EXO5: variants seen among roughly 807,000 people sequenced by gnomAD.
EXO5 encodes the protein exonuclease V.
Under a neutral mutation model 17.8 loss-of-function variants are expected in EXO5, and 11 were observed. The ratio of observed to expected loss-of-function variants is 0.62; its 90% CI spans 0.39 to 1.02. EXO5 has a LOEUF of 1.02. EXO5 is among the 50% of genes least tolerant of loss of function. The pLI, the probability that EXO5 is intolerant of heterozygous loss-of-function variation, is 0.00. For missense variants in EXO5, 364 were observed against 434.8 expected (o/e 0.84, Z 1.45); for synonymous variants, 147 against 166.5 (o/e 0.88, Z 0.90).
At chr1:40,514,254 T>C (rs1645835544) in intron 3 of EXO5, among the ~76,000 whole-genome samples, 1 of 149,938 alleles carries the variant, frequency 6.7e-6, no homozygotes, top group Non-Finnish European at 1.5e-5. Flanking sequence ...CACTCCAGCC[T>C]GGGTGAAAGA....
rs1022862220 is a variant in EXO5, at chr1:40,515,860, C to T, written c.*194C>T. ...GAGTGGGAGAGATGGGTTATACTGT[C>T]CCTGGAGCTTCATCATGATTGCCTG... On this transcript the variant is annotated 3_prime_UTR_variant, in exon 4 of 4. Transcript: ENST00000415550. 1.7e-5 allele frequency: 9 copies of T among 523,406 alleles called. No individual in the cohort carries two copies. Among genetic ancestry groups the T allele is most frequent in the Admixed American group, 7.3e-5 (2 of 27,280 alleles). 32.4% of individuals were successfully genotyped at this position (523,406 alleles called of 1,614,324 possible). A position where few individuals can be genotyped will look rare whatever the true frequency, so the allele number is the denominator to read the frequency against.
intron 3 of EXO5, among the ~76,000 whole-genome samples, chr1:40,512,703 G>A (rs1383112927): frequency 6.6e-6 from 1 of 152,130 alleles, no homozygotes; most frequent in East Asian, 1.9e-4. Flanking sequence ...CTAGGTTCAA[G>A]CGATTTTCCT....
rs1194607455 is a variant in EXO5 at position 40,508,967 on chromosome 1, C to T, written c.-264+59C>T. 1 of 152,266 alleles carries T rather than the reference C, an allele frequency of 6.6e-6. No individual in the cohort carries two copies. The highest frequency in any genetic ancestry group is 1.5e-5 in the Non-Finnish European group (1 of 68,088). The allele number at this position is 152,266 out of a possible 1,614,324, so 9.4% of individuals were successfully genotyped here. A position where few individuals can be genotyped will look rare whatever the true frequency, so the allele number is the denominator to read the frequency against. On this transcript the variant is annotated intron_variant, in intron 1 of 3. Coordinates refer to ENST00000415550, the MANE Select transcript of EXO5 (RefSeq NM_001346953.2). This position sits in a 1 kb window ranked among gnomAD's most constrained non-coding sequence, Gnocchi z 4.2. ...TGCGTTTCGGAGCTTAGGGTTCTGTCCCTGCGATCGCCGCGTCTCCCTCCC... is the reference window on the plus strand; with the variant it reads ...TGCGTTTCGGAGCTTAGGGTTCTGTTCCTGCGATCGCCGCGTCTCCCTCCC...
chr1:40,513,042 C>T (rs546422968), intron 3 of EXO5, among the ~76,000 whole-genome samples: 56 of 152,222 alleles, frequency 3.7e-4, no homozygotes, highest in Middle Eastern at 3.4e-3. Flanking sequence ...AAAAAATAAC[C>T]GCACAATAAA....
intron 3 of EXO5, 146 bp from the exon 4 acceptor site, chr1:40,514,369 T>C: frequency 1.6e-6 from 1 of 613,046 alleles, no homozygotes; most frequent in Non-Finnish European, 2.8e-6. Flanking sequence ...ACTCAAGGCA[T>C]TACTAATTGG....
rs749742250 is a variant in EXO5 at position 40,515,410 on chromosome 1, T to C, written c.866T>C (p.Ile289Thr). Residue 289 changes from isoleucine to threonine, a missense_variant, in exon 4 of 4, where the codon ATC (isoleucine) becomes ACC (threonine). Ile to Thr is a moderately conservative substitution (Grantham distance 89, BLOSUM62 -1). Coordinates refer to ENST00000415550, the MANE Select transcript of EXO5 (RefSeq NM_001346953.2). ...CTGTCAGACCTCCCAGTTATTGATA[T>C]CTTGAAGATTGAGTATATCCACCAA... ...LTLSDLPVID[I>T]LKIEYIHQET... The C allele has an allele frequency of 6.2e-7, 1 of 1,613,928 alleles. No homozygotes were observed. The highest frequency in any genetic ancestry group is 1.1e-5 in the South Asian group (1 of 91,058).
rs1344607655 is a variant in EXO5, at chr1:40,515,477, A to G, written c.933A>G (p.Lys311=). ...TVLGTEIVAF[K]EKEVRAKVQH... is the part of the protein sequence containing the mutation. ...TGGGTACTGAGATTGTAGCCTTCAA[A>G]GAGAAGGAGGTGAGAGCCAAGGTGC... The change falls in exon 4 of 4, where the codon AAA becomes AAG. Residue 311 remains lysine, a synonymous_variant. Coordinates refer to ENST00000415550, the MANE Select transcript of EXO5 (RefSeq NM_001346953.2). The G allele has an allele frequency of 1.2e-6, 2 of 1,613,940 alleles. No individual in the cohort carries two copies. Among genetic ancestry groups the G allele is most frequent in the Non-Finnish European group, 1.7e-6 (2 of 1,179,970 alleles).
chr1:40,513,061 A>T (rs1645810276), intron 3 of EXO5, among the ~76,000 whole-genome samples: 1 of 152,202 alleles, frequency 6.6e-6, no homozygotes, highest in Non-Finnish European at 1.5e-5. Context: ...AATATTCTCT[A>T]TTATAGCAGT....
rs11208299 is a variant in EXO5, at chr1:40,515,059, G to T, written c.515G>T (p.Gly172Val). 637,507 of 1,613,684 alleles carry T rather than the reference G, an allele frequency of 0.4. 132,479 individuals carry two copies. Among genetic ancestry groups the T allele is most frequent in the African/African-American group, 0.65 (48,955 of 74,878 alleles). Reference sequence around the variant, plus strand: ...AGAGAGTTTCCAGTGTTTGGGGAAGGGGAGGGTGTACTTCTTGTTGGAGTG... The same window carrying T: ...AGAGAGTTTCCAGTGTTTGGGGAAGTGGAGGGTGTACTTCTTGTTGGAGTG... ...HIREFPVFGE[G>V]EGVLLVGVID... Residue 172 changes from glycine (G) to valine (V), a missense_variant, in exon 4 of 4, where the codon GGG becomes GTG. Transcript: ENST00000415550.
chr1:40,511,251 G>T (rs796231118), intron 3 of EXO5, among the ~76,000 whole-genome samples: 64 of 151,968 alleles, frequency 4.2e-4, no homozygotes, highest in Middle Eastern at 3.4e-3. Flanking sequence ...TAAAATAAAA[G>T]AAAAGAAAAA....
intron 3 of EXO5, among the ~76,000 whole-genome samples, chr1:40,510,264 C>T (rs1267397396): frequency 6.6e-6 from 1 of 151,948 alleles, no homozygotes; most frequent in African/African-American, 2.4e-5. Context: ...TTGATGGCTG[C>T]TCCAATAACA....
chr1:40,514,596 T>C lies in EXO5; in HGVS notation c.52T>C (p.Ser18Pro). The change falls in exon 4 of 4, where the codon TCA becomes CCA. Residue 18 changes from serine to proline, a missense_variant. Transcript: ENST00000415550. ...AGTGTCAGCAGAAGCCTCAGGGTTC[T>C]CAGACTTGAGTGACTCAGAGTTCCT... ...ETVSAEASGF[S>P]DLSDSEFLEF... The C allele has an allele frequency of 6.2e-7, 1 of 1,614,174 alleles. No homozygotes were observed. The highest frequency in any genetic ancestry group is 1.1e-5 in the South Asian group (1 of 91,078).
At chr1:40,509,159 C>G (rs1034161868) in intron 1 of EXO5, 1 of 152,268 alleles carries the variant, frequency 6.6e-6, no homozygotes, top group Non-Finnish European at 1.5e-5. Context: ...GTAGGAAGTG[C>G]TCAGTACACT....
rs1645716864 is a variant in EXO5, at chr1:40,508,979, C to T, written c.-264+71C>T. 1 of 152,254 alleles carries T rather than the reference C, an allele frequency of 6.6e-6. No homozygotes were observed. The highest frequency in any genetic ancestry group is 2.4e-5 in the African/African-American group (1 of 41,446). 9.4% of individuals were successfully genotyped at this position (152,254 alleles called of 1,614,324 possible). A position where few individuals can be genotyped will look rare whatever the true frequency, so the allele number is the denominator to read the frequency against. On this transcript the variant is annotated intron_variant, in intron 1 of 3. Coordinates refer to ENST00000415550, the MANE Select transcript of EXO5 (RefSeq NM_001346953.2). This position sits in a 1 kb window ranked among gnomAD's most constrained non-coding sequence, Gnocchi z 4.2. ...CTTAGGGTTCTGTCCCTGCGATCGCCGCGTCTCCCTCCCTTGGTGGGCGCG... is the reference window on the plus strand; with the variant it reads ...CTTAGGGTTCTGTCCCTGCGATCGCTGCGTCTCCCTCCCTTGGTGGGCGCG...
Position 40,508,859 on chromosome 1 carries a change from G to C in EXO5, c.-313G>C, listed in dbSNP as rs1222263626. ...GCCGGGAGCGTCCGGGAGCAGCTCC[G>C]AGGCCGCGGCGAAACCAGGTGGAGT... is the stretch of plus-strand genomic sequence containing the variant. On this transcript the variant is annotated 5_prime_UTR_variant, in exon 1 of 4. Transcript: ENST00000415550. The surrounding 1 kb of genome is among the most constrained non-coding windows in gnomAD (Gnocchi z 4.2). 1.3e-5 allele frequency: 2 copies of C among 152,406 alleles called. No homozygotes were observed. The highest frequency in any genetic ancestry group is 2.9e-5 in the Non-Finnish European group (2 of 68,188). 9.4% of individuals were successfully genotyped at this position (152,406 alleles called of 1,614,324 possible). A position where few individuals can be genotyped will look rare whatever the true frequency, so the allele number is the denominator to read the frequency against.
At position 40,515,758 on chromosome 1, in the gene EXO5, G is replaced by C; in HGVS notation, c.*92G>C. ...AGTCTCTGAGCTTGGCTTTTATGGA[G>C]AGTGTTCTTATTTTGGTTCTTTTTT... is the stretch of plus-strand genomic sequence containing the variant. On this transcript the variant is annotated 3_prime_UTR_variant, in exon 4 of 4. Transcript: ENST00000415550. The C allele has an allele frequency of 7.2e-7, 1 of 1,390,632 alleles. No individual in the cohort carries two copies. The highest frequency in any genetic ancestry group is 9.8e-7 in the Non-Finnish European group (1 of 1,024,036). 86.1% of individuals were successfully genotyped at this position (1,390,632 alleles called of 1,614,324 possible).
intron 3 of EXO5, among the ~76,000 whole-genome samples, chr1:40,511,006 C>T (rs566935242): frequency 1.3e-4 from 20 of 152,252 alleles, no homozygotes; most frequent in African/African-American, 4.6e-4. Context: ...GAGGCCGAGG[C>T]GGGTGCATCA....
chr1:40,515,507 T>C lies in EXO5; in HGVS notation c.963T>C (p.His321=). ...KEKEVRAKVQ[H]YMAYWMGHRE... is the part of the protein sequence containing the mutation. ...AGGAGGTGAGAGCCAAGGTGCAGCATTATATGGCCTACTGGATGGGCCACC... is the reference window on the plus strand; with the variant it reads ...AGGAGGTGAGAGCCAAGGTGCAGCACTATATGGCCTACTGGATGGGCCACC... The change falls in exon 4 of 4, where the codon CAT becomes CAC. Residue 321 remains histidine, a synonymous_variant. Coordinates refer to ENST00000415550, the MANE Select transcript of EXO5 (RefSeq NM_001346953.2). 1 of 1,613,454 alleles carries C rather than the reference T, an allele frequency of 6.2e-7. No homozygotes were observed. Among genetic ancestry groups the C allele is most frequent in the Non-Finnish European group, 8.5e-7 (1 of 1,179,908 alleles).
At chr1:40,514,315 G>A in intron 3 of EXO5, 200 bp from the exon 4 acceptor site, 2 of 377,912 alleles carry the variant, frequency 5.3e-6, no homozygotes, top group Non-Finnish European at 9.4e-6. Flanking sequence ...AGATATATAT[G>A]GATATATATA....
Sources: gnomAD v4.1 joint callset for allele counts (sites outside exome capture counted in the v4.1 genomes callset) on GRCh38, gnomAD v4.1.1 for gene constraint, Gnocchi (gnomAD v3.1) non-coding constraint, MANE v1.5 for transcripts, NCBI Gene and HGNC (gene_info 2026-07-23, HGNC 2026-07-21) for gene names.